ARSG: variants seen among roughly 807,000 people sequenced by gnomAD.
ARSG encodes arylsulfatase G.
In ARSG, 37 loss-of-function variants were observed where a neutral mutation model predicts 50.5. The observed-to-expected ratio is 0.73, with a 90% confidence interval of 0.56 to 0.96. The LOEUF is 0.96. Among genes scored for constraint, ARSG ranks in the 50% least tolerant of loss-of-function variants. The pLI is 0.00. For missense variants in ARSG, 629 were observed against 675.3 expected (o/e 0.93, Z 0.76); for synonymous variants, 225 against 254.6 (o/e 0.88, Z 1.11).
intron 8 of ARSG, among the ~76,000 whole-genome samples, chr17:68,382,682 C>G (rs2080496590): frequency 6.6e-6 from 1 of 152,202 alleles, no homozygotes. Flanking sequence ...GTTTTGTCCA[C>G]TCCTAGCAGT....
intron 1 of ARSG, chr17:68,274,238 G>C (rs1297799107): frequency 1.6e-6 from 1 of 609,598 alleles, no homozygotes; most frequent in Non-Finnish European, 2.7e-6. Flanking sequence ...GGTTGAGGAC[G>C]GAGGATCGCT....
chr17:68,420,303 C>T lies in ARSG; in HGVS notation c.1418C>T (p.Ala473Val), dbSNP rs754703816. 6.2e-6 allele frequency: 10 copies of T among 1,613,942 alleles called. No homozygotes were observed. Among genetic ancestry groups the T allele is most frequent in the Admixed American group, 5.0e-5 (3 of 60,000 alleles). Residue 473 changes from alanine to valine, a missense_variant, in exon 12 of 12, where the codon GCG (alanine) becomes GTG (valine). Ala to Val is a moderately conservative substitution (Grantham distance 64). Coordinates refer to ENST00000621439, the MANE Select transcript of ARSG (RefSeq NM_001267727.2). Reference sequence around the variant, plus strand: ...GCTGTGCCCCTAGAAAGAGGTGGTGCGGAGTACCAGGCTGTGCTGCCCGAG... The same window carrying T: ...GCTGTGCCCCTAGAAAGAGGTGGTGTGGAGTACCAGGCTGTGCTGCCCGAG... Reference protein sequence around the residue: ...AEAVPLERGGAEYQAVLPEVR... With the variant: ...AEAVPLERGGVEYQAVLPEVR...
intron 2 of ARSG, among the ~76,000 whole-genome samples, chr17:68,320,860 AG>A (rs2077255308): frequency 6.6e-6 from 1 of 152,176 alleles, no homozygotes; most frequent in Non-Finnish European, 1.5e-5. Flanking sequence ...GGAGGCTTAT[AG>A]ATGCCTATGT....
rs929154163 is a variant in ARSG at position 68,383,983 on chromosome 17, G to A, written c.983-1081G>A. 3.9e-5 allele frequency among the ~76,000 whole-genome samples: 6 copies of A among 152,290 alleles called. No homozygotes were observed. In the South Asian group the frequency reaches 1.0e-3, roughly 26 times the overall value. On this transcript the variant is annotated intron_variant, in intron 8 of 11. Transcript: ENST00000621439. ...GTCCTAAGAATGCTGAGCATTTCCC[G>A]TGTGGTGTGCTGGGCCAGGGACATC...
intron 9 of ARSG, among the ~76,000 whole-genome samples, chr17:68,392,330 C>T (rs951987918): frequency 2.0e-5 from 3 of 152,076 alleles, no homozygotes; most frequent in East Asian, 1.9e-4. Context: ...GAAGATGTGC[C>T]ATAGGTAGAG....
In ARSG at chr17:68,351,671, GTGA is replaced by G. The variant is rs2146381151; in HGVS notation, c.554_556del (p.Asp185del). ...CCTCCTTGTCCAGCGTGTCCACAGG[GTGA>G]TGGACCATCAAGGTAATGCTGTCTG... On this transcript the variant is annotated inframe_deletion, in exon 5 of 12. Transcript: ENST00000621439. 1 of 1,610,738 alleles carries G rather than the reference GTGA, an allele frequency of 6.2e-7. No individual in the cohort carries two copies.
At position 68,283,853 on chromosome 17, in the gene ARSG, G is replaced by A. The variant is rs183033746; in HGVS notation, c.-551-23090G>A. On this transcript the variant is annotated intron_variant, in intron 1 of 11. Transcript: ENST00000448504. Reference sequence around the variant, plus strand: ...AGATCGTGCTATTGCACTCCAGCCTGGGCAAAAAGAGCAAAACTCCGTCTC... The same window carrying A: ...AGATCGTGCTATTGCACTCCAGCCTAGGCAAAAAGAGCAAAACTCCGTCTC... 8.9e-3 allele frequency among the ~76,000 whole-genome samples: 1,013 copies of A among 113,936 alleles called. 8 individuals carry two copies. The highest frequency in any genetic ancestry group is 0.016 in the Middle Eastern group (3 of 182). 74.7% of individuals were successfully genotyped at this position (113,936 alleles called of 152,430 possible). A position where few individuals can be genotyped will look rare whatever the true frequency, so the allele number is the denominator to read the frequency against.
At chr17:68,328,142 G>T (rs2077579603) in intron 2 of ARSG, among the ~76,000 whole-genome samples, 1 of 151,996 alleles carries the variant, frequency 6.6e-6, no homozygotes, top group Admixed American at 6.6e-5. Context: ...GCATCGAAAT[G>T]CCACTCACCC....
rs111584239 is a variant in ARSG at position 68,351,535 on chromosome 17, G to A, written c.455-40G>A. ...TGTACAAAGGCAAGCACATGGAGTC[G>A]CAGCCACGTGGGGGTGCTAACCGGT... On this transcript the variant is annotated intron_variant, in intron 4 of 11. Coordinates refer to ENST00000621439, the MANE Select transcript of ARSG (RefSeq NM_001267727.2). 1.6e-3 allele frequency: 1,815 copies of A among 1,164,890 alleles called. 18 individuals are homozygous for A. In the African/African-American group the frequency reaches 0.017, roughly 11 times the overall value. The allele number at this position is 1,164,890 out of a possible 1,614,324, so 72.2% of individuals were successfully genotyped here. A position where few individuals can be genotyped will look rare whatever the true frequency, so the allele number is the denominator to read the frequency against.
intron 9 of ARSG, among the ~76,000 whole-genome samples, chr17:68,393,371 C>T (rs1044908149): frequency 3.5e-4 from 53 of 152,262 alleles, no homozygotes; most frequent in African/African-American, 1.3e-3. Flanking sequence ...ACGCTGTATA[C>T]GCTACCTGCC....
chr17:68,448,647 T>C, the ARSG span, among the ~76,000 whole-genome samples: 17 of 152,170 alleles, frequency 1.1e-4, no homozygotes, highest in South Asian at 2.1e-4. Flanking sequence ...GCAAATACAA[T>C]AGACGCTATT....
chr17:68,271,116 A>G lies in ARSG; in HGVS notation c.-552+11690A>G, dbSNP rs1555748400. 4 of 1,614,222 alleles carry G rather than the reference A, an allele frequency of 2.5e-6. No homozygotes were observed. The highest frequency in any genetic ancestry group is 1.7e-6 in the Non-Finnish European group (2 of 1,180,054). On this transcript the variant is annotated intron_variant, in intron 1 of 11. Transcript: ENST00000448504. The surrounding 1 kb of genome is among the most constrained non-coding windows in gnomAD (Gnocchi z 5.3). ...GAATGGGCTCCCTGTTGAGGACAAA[A>G]CCAGCTCCGATCCTTCCGAAAACTT...
chr17:68,268,831 C>G (rs2075234786), intron 1 of ARSG: 2 of 480,226 alleles, frequency 4.2e-6, no homozygotes, highest in Non-Finnish European at 7.3e-6. Context: ...TCTTGTATTG[C>G]TACTGAATAC....
At chr17:68,302,699 G>A (rs567633015) in intron 1 of ARSG, among the ~76,000 whole-genome samples, 40 of 152,302 alleles carry the variant, frequency 2.6e-4, no homozygotes, top group African/African-American at 9.4e-4. Flanking sequence ...AATGGGGGTC[G>A]TGGAGAAGAA....
At chr17:68,269,025 C>T in intron 1 of ARSG, 1 of 1,592,218 alleles carries the variant, frequency 6.3e-7, no homozygotes. Context: ...TCCTCTGCCT[C>T]CTTGTGTCCC....
chr17:68,443,963 T>G, the ARSG span, among the ~76,000 whole-genome samples: 1 of 152,254 alleles, frequency 6.6e-6, no homozygotes. Flanking sequence ...ACACCAGGAA[T>G]GTATTAAATA....
chr17:68,448,956 C>T, the ARSG span, among the ~76,000 whole-genome samples: 2 of 152,194 alleles, frequency 1.3e-5, no homozygotes, highest in Non-Finnish European at 2.9e-5. Context: ...ACTTCTCTTT[C>T]TCCAGCTATT....
chr17:68,261,462 TTCTG>T (rs1303275313), intron 1 of ARSG, among the ~76,000 whole-genome samples: 1 of 152,116 alleles, frequency 6.6e-6, no homozygotes, highest in African/African-American at 2.4e-5. Flanking sequence ...TCACTATATC[TTCTG>T]CCTCCTGGGC....
chr17:68,433,357 T>C, the ARSG span: 2 of 1,052,076 alleles, frequency 1.9e-6, no homozygotes, highest in South Asian at 2.8e-5. Flanking sequence ...AAGTCCCAAG[T>C]GAAGCCAAGA....
Sources: allele counts gnomAD v4.1 joint callset (sites outside exome capture counted in the v4.1 genomes callset), GRCh38; gene constraint gnomAD v4.1.1; non-coding constraint Gnocchi (gnomAD v3.1); transcripts MANE v1.5; gene names NCBI Gene and HGNC (gene_info 2026-07-23, HGNC 2026-07-21).